Variants in IMPG1 observed in about 807,000 individuals in gnomAD.
IMPG1 encodes the protein interphotoreceptor matrix proteoglycan 1, also known as interphotoreceptor matrix proteoglycan of 150 kDa.
Under a neutral mutation model 92.0 loss-of-function variants are expected in IMPG1, and 85 were observed. The ratio of observed to expected loss-of-function variants is 0.92; its 90% CI spans 0.78 to 1.11. The LOEUF (loss-of-function observed/expected upper bound fraction) is 1.11. Ranked by LOEUF, IMPG1 falls within the 50% of genes least tolerant of loss-of-function variation. IMPG1 has a pLI of 0.00. For synonymous variants in IMPG1, 367 were observed against 334.1 expected, an observed-to-expected ratio of 1.10 and a Z score of -1.08; for missense variants, 1,022 against 956.0, an observed-to-expected ratio of 1.07 and a Z score of -0.91.
intron 12 of IMPG1, among the ~76,000 whole-genome samples, chr6:75,982,323 A>T (rs1401783455): frequency 1.3e-5 from 2 of 152,036 alleles, no homozygotes; most frequent in Admixed American, 1.3e-4. Flanking sequence ...TGGGTGGATC[A>T]CAAGGTCAGG....
At chr6:76,034,824 G>C in intron 2 of IMPG1, 37 bp from the exon 3 acceptor site, 3 of 1,579,682 alleles carry the variant, frequency 1.9e-6, no homozygotes, top group Non-Finnish European at 2.6e-6. Flanking sequence ...TGCCCTAAGA[G>C]GGTCCCCGTA....
At chr6:76,003,020 A>G (rs1288702087) in intron 11 of IMPG1, 24 bp from the exon 12 acceptor site, 4 of 1,560,682 alleles carry the variant, frequency 2.6e-6, no homozygotes, top group Non-Finnish European at 3.5e-6. Context: ...TTTGCAAGAC[A>G]GATGTTGAGA....
At chr6:76,046,562 T>C (rs1783947605) in intron 1 of IMPG1, among the ~76,000 whole-genome samples, 2 of 152,196 alleles carry the variant, frequency 1.3e-5, no homozygotes, top group East Asian at 1.9e-4. Context: ...AATCATATAA[T>C]GTCACTCAAC....
At chr6:75,944,686 C>T (rs146466337) in intron 14 of IMPG1, among the ~76,000 whole-genome samples, 6 of 152,282 alleles carry the variant, frequency 3.9e-5, no homozygotes, top group African/African-American at 7.2e-5. Context: ...ATAAGTTCAC[C>T]GAAGTGCTTA....
rs562389122 is a variant in IMPG1 at position 76,042,284 on chromosome 6, A to C, written c.68-158T>G. On this transcript the variant is annotated intron_variant, in intron 1 of 16. Coordinates refer to ENST00000369950, the MANE Select transcript of IMPG1 (RefSeq NM_001563.4). ...GCTAAACGTAATATTCCAAATGACA[A>C]GGCATTTTCAGAAATAAGAGAATAG... Among the ~76,000 whole-genome samples the C allele has an allele frequency of 3.9e-5, 6 of 152,260 alleles. No individual in the cohort carries two copies. In the East Asian group the frequency reaches 1.2e-3, roughly 29 times the overall value.
intron 13 of IMPG1, 36 bp from the exon 14 acceptor site, chr6:75,947,569 T>G: frequency 6.9e-7 from 1 of 1,449,664 alleles, no homozygotes; most frequent in Non-Finnish European, 9.6e-7. Flanking sequence ...TTAACTGTGT[T>G]CTAAGTGCTC....
At chr6:75,961,347 A>G (rs1782210120) in intron 12 of IMPG1, among the ~76,000 whole-genome samples, 2 of 152,224 alleles carry the variant, frequency 1.3e-5, no homozygotes, top group African/African-American at 2.4e-5. Flanking sequence ...TAATAACAAG[A>G]AAGTTATTAT....
intron 14 of IMPG1, among the ~76,000 whole-genome samples, chr6:75,942,832 A>C (rs965371813): frequency 6.6e-6 from 1 of 152,216 alleles, no homozygotes; most frequent in South Asian, 2.1e-4. Context: ...GTGTTTTAAA[A>C]TTTAGATATG....
At chr6:75,946,863 T>A (rs182459070) in intron 14 of IMPG1, among the ~76,000 whole-genome samples, 9 of 152,136 alleles carry the variant, frequency 5.9e-5, no homozygotes, top group African/African-American at 2.2e-4. Flanking sequence ...CTGTCTCTGA[T>A]CCTGAATTAC....
intron 12 of IMPG1, among the ~76,000 whole-genome samples, chr6:75,988,592 G>T (rs1782763791): frequency 6.6e-6 from 1 of 152,160 alleles, no homozygotes. Flanking sequence ...GAGCAATGTG[G>T]AAATCATGAG....
intron 14 of IMPG1, among the ~76,000 whole-genome samples, chr6:75,936,456 T>C (rs1271645977): frequency 6.6e-6 from 1 of 152,240 alleles, no homozygotes; most frequent in Non-Finnish European, 1.5e-5. Context: ...TATTCAATGA[T>C]AAATAGCACA....
At chr6:75,939,270 A>G (rs558697360) in intron 14 of IMPG1, among the ~76,000 whole-genome samples, 1 of 152,224 alleles carries the variant, frequency 6.6e-6, no homozygotes, top group South Asian at 2.1e-4. Flanking sequence ...ACATATGTAT[A>G]CATGTGCCAT....
At chr6:76,014,425 C>A (rs1226078532) in intron 7 of IMPG1, among the ~76,000 whole-genome samples, 2 of 152,156 alleles carry the variant, frequency 1.3e-5, no homozygotes, top group Non-Finnish European at 2.9e-5. Context: ...TCCACCCACA[C>A]CCTGCCATGG....
chr6:75,991,211 G>A (rs1479022199), intron 12 of IMPG1, among the ~76,000 whole-genome samples: 1 of 152,100 alleles, frequency 6.6e-6, no homozygotes, highest in Non-Finnish European at 1.5e-5. Context: ...GTAACACAGT[G>A]AAACCCCATC....
chr6:76,036,060 A>G (rs762926954), intron 2 of IMPG1, among the ~76,000 whole-genome samples: 3 of 152,214 alleles, frequency 2.0e-5, no homozygotes, highest in African/African-American at 4.8e-5. Flanking sequence ...ACAAAACTCC[A>G]TCTGTTCCCA....
At chr6:75,972,175 C>T (rs60324649) in intron 12 of IMPG1, among the ~76,000 whole-genome samples, 30,484 of 151,954 alleles carry the variant, frequency 0.2, 3,186 homozygotes, top group Admixed American at 0.29. Context: ...GCAGTACTGT[C>T]CTGCATATTA....
intron 5 of IMPG1, among the ~76,000 whole-genome samples, 170 bp from the exon 6 acceptor site, chr6:76,022,389 A>T (rs140981565): frequency 6.6e-6 from 1 of 152,204 alleles, no homozygotes; most frequent in South Asian, 2.1e-4. Context: ...AAAAAATATG[A>T]CTCATACTCT....
chr6:76,066,710 C>T (rs1175218013), intron 1 of IMPG1, among the ~76,000 whole-genome samples: 1 of 152,086 alleles, frequency 6.6e-6, no homozygotes, highest in Non-Finnish European at 1.5e-5. Flanking sequence ...ACCTAACAGA[C>T]ATTTATGGAA....
intron 1 of IMPG1, among the ~76,000 whole-genome samples, chr6:76,067,055 A>T (rs1168567676): frequency 6.6e-6 from 1 of 152,114 alleles, no homozygotes. Context: ...CTAAGAGAGA[A>T]GTTTATAGTG....
Sources: allele counts gnomAD v4.1 joint callset (sites outside exome capture counted in the v4.1 genomes callset), GRCh38; gene constraint gnomAD v4.1.1; transcripts MANE v1.5; gene names NCBI Gene and HGNC (gene_info 2026-07-23, HGNC 2026-07-21).